OR2V1: variants seen among roughly 807,000 people sequenced by gnomAD.
OR2V1 encodes the protein olfactory receptor 2V1.
OR2V1 carries 18 observed loss-of-function variants against 15.0 expected under a neutral mutation model. The ratio of observed to expected loss-of-function variants is 1.20; its 90% confidence interval spans 0.83 to 1.78. OR2V1 has a LOEUF of 1.78. Ranked by LOEUF, OR2V1 falls within the 40% of genes most tolerant of loss-of-function variation. The probability of loss-of-function intolerance (pLI) is 0.00; values close to 1 mark genes in which losing one functional copy is unlikely to be tolerated. For missense variants in OR2V1, 359 were observed against 392.9 expected (o/e 0.91, Z 0.73); for synonymous variants, 144 against 146.1 (o/e 0.99, Z 0.10).
chr5:181,127,448 G>T (rs1017642268), intron 3 of OR2V1, among the ~76,000 whole-genome samples: 1 of 152,146 alleles, frequency 6.6e-6, no homozygotes. Context: ...ACACATGGGC[G>T]GCTGTTTATC....
At position 181,124,909 on chromosome 5, in the gene OR2V1, G is replaced by A. The variant is rs770983604; in HGVS notation, c.396C>T (p.His132=). 10 of 1,613,800 alleles carry A rather than the reference G, an allele frequency of 6.2e-6. No homozygotes were observed. The highest frequency in any genetic ancestry group is 4.5e-5 in the East Asian group (2 of 44,892). The part of the protein sequence containing the change: ...DRYVAVSHPL[H]YPILMNQRVC... ...CCCTCTGATTCATGAGGATGGGATAGTGAAGTGGGTGGCTAACGGCCACGT... is the reference window on the plus strand; with the variant it reads ...CCCTCTGATTCATGAGGATGGGATAATGAAGTGGGTGGCTAACGGCCACGT... The change falls in exon 4 of 4, where the codon CAC becomes CAT. Residue 132 remains histidine, a synonymous_variant. Transcript: ENST00000641551.
In OR2V1 at chr5:181,124,492, AT is replaced by A. The variant is rs763168580; in HGVS notation, c.812del (p.His271LeufsTer16). On this transcript the variant is annotated frameshift_variant, in exon 4 of 4. Coordinates refer to ENST00000641551, the MANE Select transcript of OR2V1 (RefSeq NM_001258283.2). LOFTEE classifies it high-confidence loss of function. ...TGTAGAAGATAGAGGCCACCTTGTC[AT>A]GGCTAGGGGCCCGGTAGCGCCTAGG... ...LRPRRYRAPS[H>X]DKVASIFYTV... 2 of 1,613,858 alleles carry A rather than the reference AT, an allele frequency of 1.2e-6. No individual in the cohort carries two copies. The highest frequency in any genetic ancestry group is 1.7e-6 in the Non-Finnish European group (2 of 1,179,932).
chr5:181,124,273 T>C lies in OR2V1; in HGVS notation c.*84A>G. 1 of 1,292,674 alleles carries C rather than the reference T, an allele frequency of 7.7e-7. No individual in the cohort carries two copies. Among genetic ancestry groups the C allele is most frequent in the Non-Finnish European group, 1.0e-6 (1 of 970,372 alleles). 80.1% of individuals were successfully genotyped at this position (1,292,674 alleles called of 1,614,324 possible). A position where few individuals can be genotyped will look rare whatever the true frequency, so the allele number is the denominator to read the frequency against. On this transcript the variant is annotated 3_prime_UTR_variant, in exon 4 of 4. Coordinates refer to ENST00000641551, the MANE Select transcript of OR2V1 (RefSeq NM_001258283.2). ...CATCCAATGACCATCAACAGGTGAA[T>C]GGAAACAGACACTCACAAAGGTTGA...
Position 181,124,817 on chromosome 5 carries a change from G to C in OR2V1, c.488C>G (p.Ala163Gly). 1.3e-6 allele frequency: 2 copies of C among 1,593,924 alleles called. No homozygotes were observed. The highest frequency in any genetic ancestry group is 1.7e-6 in the Non-Finnish European group (2 of 1,170,296). The change falls in exon 4 of 4, where the codon GCA (alanine) becomes GGA (glycine). Residue 163 changes from alanine to glycine, a missense_variant. By Grantham distance (60) the Ala-to-Gly change is moderately conservative (BLOSUM62 0). Coordinates refer to ENST00000641551, the MANE Select transcript of OR2V1 (RefSeq NM_001258283.2). Reference protein sequence around the residue: ...GIIDGVIQMVAAMGLPYCGSR... With the variant: ...GIIDGVIQMVGAMGLPYCGSR... ...GCCACAGTAAGGTAAGCCCATGGCT[G>C]CCACCATCTGAATCACTCCATCTAT...
rs1197025948 is a variant in OR2V1, at chr5:181,127,227, G to A, written c.-21-1902C>T. Reference sequence around the variant, plus strand: ...CCCAGAATGGTGCCTGGCTCATAGCGGGACCTCAACCCAGACATGGTGACT... The same window carrying A: ...CCCAGAATGGTGCCTGGCTCATAGCAGGACCTCAACCCAGACATGGTGACT... On this transcript the variant is annotated intron_variant, in intron 3 of 3. Transcript: ENST00000641551. Among the ~76,000 whole-genome samples, 4 of 152,162 alleles carry A rather than the reference G, an allele frequency of 2.6e-5. No homozygotes were observed. The South Asian group carries it at 8.3e-4, about 32-fold the overall frequency.
intron 3 of OR2V1, among the ~76,000 whole-genome samples, chr5:181,128,494 C>T (rs1227312008): frequency 3.3e-5 from 5 of 152,224 alleles, no homozygotes; most frequent in African/African-American, 1.2e-4. Context: ...AGCCCTCCAC[C>T]ACCACCCACG....
In OR2V1 at chr5:181,124,855, C is replaced by T. The variant is rs759403156; in HGVS notation, c.450G>A (p.Trp150Ter). 1.2e-6 allele frequency: 2 copies of T among 1,605,040 alleles called. No individual in the cohort carries two copies. Among genetic ancestry groups the T allele is most frequent in the Non-Finnish European group, 1.7e-6 (2 of 1,175,184 alleles). Residue 150 changes from tryptophan to a stop codon, truncating the protein, a stop_gained, in exon 4 of 4, where the codon TGG becomes TGA. Transcript: ENST00000641551. LOFTEE classifies it high-confidence loss of function. ...TCACTCCATCTATTATCCCAAAGGC[C>T]CAGGAGCTCCCAGTAATCTGGAGAC... ...RVCLQITGSS[W>*]AFGIIDGVIQ...
chr5:181,129,827 T>C (rs1263083934), intron 2 of OR2V1, among the ~76,000 whole-genome samples: 3 of 152,100 alleles, frequency 2.0e-5, no homozygotes, highest in Non-Finnish European at 4.4e-5. Context: ...TCCCCACACA[T>C]CTGTCCTTGT....
chr5:181,126,066 T>C (rs985124526), intron 3 of OR2V1, among the ~76,000 whole-genome samples: 1 of 152,188 alleles, frequency 6.6e-6, no homozygotes, highest in Non-Finnish European at 1.5e-5. Flanking sequence ...TCAAAAATCC[T>C]GGGACCATTT....
rs1046493059 is a variant in OR2V1 at position 181,123,835 on chromosome 5, A to G, written c.*522T>C. ...GTCCAAAAAGAGTTATAGGGACTCA[A>G]TTTCTGCCATTTAGAAAGTTTCCAC... On this transcript the variant is annotated 3_prime_UTR_variant, in exon 4 of 4. Coordinates refer to ENST00000641551, the MANE Select transcript of OR2V1 (RefSeq NM_001258283.2). The G allele has an allele frequency of 6.6e-6, 1 of 152,320 alleles. No individual in the cohort carries two copies. The highest frequency in any genetic ancestry group is 1.5e-5 in the Non-Finnish European group (1 of 68,094). The allele number at this position is 152,320 out of a possible 1,614,324, so 9.4% of individuals were successfully genotyped here.
intron 3 of OR2V1, among the ~76,000 whole-genome samples, chr5:181,126,062 A>G (rs769878841): frequency 8.5e-5 from 13 of 152,256 alleles, no homozygotes; most frequent in Non-Finnish European, 1.0e-4. Flanking sequence ...CAGGTCAAAA[A>G]TCCTGGGACC....
At position 181,128,567 on chromosome 5, in the gene OR2V1, C is replaced by G. The variant is rs140534579; in HGVS notation, c.-22+953G>C. Among the ~76,000 whole-genome samples, 1,177 of 152,336 alleles carry G rather than the reference C, an allele frequency of 7.7e-3. 25 individuals carry two copies. Among genetic ancestry groups the G allele is most frequent in the African/African-American group, 0.027 (1,113 of 41,560 alleles). ...GTCTCCCTGCCTCCTGGAGCTGCTC[C>G]CACACGGCAGGACAAGGCCAGCTCC... On this transcript the variant is annotated intron_variant, in intron 3 of 3. Coordinates refer to ENST00000641551, the MANE Select transcript of OR2V1 (RefSeq NM_001258283.2).
intron 1 of OR2V1, 103 bp from the exon 2 acceptor site, chr5:181,130,318 A>G: frequency 2.5e-6 from 1 of 398,980 alleles, no homozygotes; most frequent in Non-Finnish European, 4.4e-6. Context: ...CTCCTTCCTC[A>G]GCCCGCACCG....
In OR2V1 at chr5:181,130,192, G is replaced by T; in HGVS notation, c.-97C>A. ...ACTCACCTGTGGGTGGGTCCCTGCA[G>T]GGGAACAAACTCAGCAGAGTCACCT... On this transcript the variant is annotated 5_prime_UTR_variant, in exon 2 of 4. It adds an upstream start codon to the 5' untranslated region. Transcript: ENST00000641551. 1 of 398,774 alleles carries T rather than the reference G, an allele frequency of 2.5e-6. No individual in the cohort carries two copies. The highest frequency in any genetic ancestry group is 4.4e-6 in the Non-Finnish European group (1 of 226,142). 24.7% of individuals were successfully genotyped at this position (398,774 alleles called of 1,614,324 possible).
At chr5:181,127,393 T>C (rs1762889526) in intron 3 of OR2V1, among the ~76,000 whole-genome samples, 2 of 152,178 alleles carry the variant, frequency 1.3e-5, no homozygotes, top group African/African-American at 4.8e-5. Context: ...TGAGTGAAAA[T>C]GGAAGAAACA....
chr5:181,127,256 C>A (rs1399227666), intron 3 of OR2V1, among the ~76,000 whole-genome samples: 26 of 152,188 alleles, frequency 1.7e-4, no homozygotes, highest in Admixed American at 1.7e-3. Flanking sequence ...GGTGACTGAA[C>A]AAAATAATAT....
chr5:181,129,106 T>A (rs1409567460), intron 3 of OR2V1, among the ~76,000 whole-genome samples: 2 of 152,120 alleles, frequency 1.3e-5, no homozygotes, highest in Non-Finnish European at 1.5e-5. Context: ...GTGGCACACA[T>A]CTGTAGTCCC....
chr5:181,125,015 C>G lies in OR2V1; in HGVS notation c.290G>C (p.Gly97Ala). The G allele has an allele frequency of 6.2e-7, 1 of 1,614,168 alleles. No homozygotes were observed. The highest frequency in any genetic ancestry group is 8.5e-7 in the Non-Finnish European group (1 of 1,180,038). Reference protein sequence around the residue: ...LSGRKSISFVGCGIQIGFFVS... With the variant: ...LSGRKSISFVACGIQIGFFVS... ...AAAAAAGCCAATTTGTATGCCACAG[C>G]CCACAAAGGAGATGGACTTCCTGCC... Residue 97 changes from glycine to alanine, a missense_variant, in exon 4 of 4, where the codon GGC (glycine) becomes GCC (alanine). By Grantham distance (60) the Gly-to-Ala change is moderately conservative. Coordinates refer to ENST00000641551, the MANE Select transcript of OR2V1 (RefSeq NM_001258283.2).
At chr5:181,129,689 A>G (rs116659724) in intron 2 of OR2V1, 114 bp from the exon 3 acceptor site, 2,031 of 153,506 alleles carry the variant, frequency 0.013, 28 homozygotes, top group Middle Eastern at 0.027. Context: ...TGTTTAGTTA[A>G]TGGCTTCACT....
Sources: gnomAD v4.1 joint callset for allele counts (sites outside exome capture counted in the v4.1 genomes callset) on GRCh38, gnomAD v4.1.1 for gene constraint, MANE v1.5 for transcripts, NCBI Gene and HGNC (gene_info 2026-07-23, HGNC 2026-07-21) for gene names.